CEP63: variants seen among roughly 807,000 people sequenced by gnomAD.
CEP63 encodes centrosomal protein 63.
A neutral mutation model predicts 89.1 loss-of-function variants in CEP63; 84 were observed. The observed-to-expected ratio is 0.94, with a 90% confidence interval of 0.79 to 1.13. The LOEUF (loss-of-function observed/expected upper bound fraction) is 1.13, where lower values mean the gene tolerates loss of function less well. CEP63 is among the 50% of genes most tolerant of loss of function. The pLI is 0.00. For missense variants in CEP63, 838 were observed against 813.3 expected, an observed-to-expected ratio of 1.03 and a Z score of -0.37; for synonymous variants, 267 against 272.5, an observed-to-expected ratio of 0.98 and a Z score of 0.20.
the CEP63 span, among the ~76,000 whole-genome samples, chr3:134,692,640 G>A: frequency 6.6e-6 from 1 of 152,170 alleles, no homozygotes; most frequent in Non-Finnish European, 1.5e-5. Context: ...TAACATCACA[G>A]GTCCCCTGAA....
the CEP63 span, among the ~76,000 whole-genome samples, chr3:134,689,005 G>A: frequency 2.0e-5 from 3 of 152,184 alleles, no homozygotes; most frequent in African/African-American, 7.2e-5. Flanking sequence ...ATTTCATATA[G>A]GTGTGGTTTT....
chr3:134,624,152 C>T, the CEP63 span, among the ~76,000 whole-genome samples: 2 of 152,254 alleles, frequency 1.3e-5, no homozygotes, highest in Non-Finnish European at 2.9e-5. Context: ...AGGAGTCAAT[C>T]CAGCTATCTG....
intron 5 of CEP63, chr3:134,536,272 T>C (rs933833129): frequency 6.6e-6 from 1 of 152,330 alleles, no homozygotes; most frequent in Non-Finnish European, 1.5e-5. Context: ...TTGTTTGTTT[T>C]GTTAAGTATT....
chr3:134,540,546 A>T (rs970361865), intron 6 of CEP63, among the ~76,000 whole-genome samples: 3 of 152,032 alleles, frequency 2.0e-5, no homozygotes, highest in Non-Finnish European at 4.4e-5. Flanking sequence ...GAGAATATCC[A>T]TTTCCTCATA....
At chr3:134,500,925 C>T (rs936448119) in intron 2 of CEP63, among the ~76,000 whole-genome samples, 4 of 152,118 alleles carry the variant, frequency 2.6e-5, no homozygotes, top group African/African-American at 9.7e-5. Context: ...GGCCAGTGTC[C>T]AGAAGAGTAT....
chr3:134,736,236 G>T, the CEP63 span, among the ~76,000 whole-genome samples: 2 of 152,080 alleles, frequency 1.3e-5, no homozygotes, highest in Admixed American at 1.3e-4. Flanking sequence ...CAAAACACCT[G>T]TTGGAAGCAT....
downstream of CEP63, among the ~76,000 whole-genome samples, chr3:134,579,301 C>T (rs1278355338): frequency 2.1e-5 from 3 of 145,942 alleles, no homozygotes; most frequent in African/African-American, 7.5e-5. Context: ...TGCACTTTAC[C>T]GGGAATAATG....
chr3:134,778,097 CTTT>C, the CEP63 span, among the ~76,000 whole-genome samples: 134 of 132,402 alleles, frequency 1.0e-3, no homozygotes, highest in Middle Eastern at 4.0e-3. Flanking sequence ...TTCCACGTCA[CTTT>C]TTTTTTTTTT....
chr3:134,764,122 C>G, the CEP63 span, among the ~76,000 whole-genome samples: 1 of 152,162 alleles, frequency 6.6e-6, no homozygotes, highest in Non-Finnish European at 1.5e-5. Context: ...GTTTAGCAAA[C>G]AAGTTTAGTT....
chr3:134,541,479 T>C (rs905722675), intron 6 of CEP63, among the ~76,000 whole-genome samples: 15 of 151,804 alleles, frequency 9.9e-5, no homozygotes, highest in African/African-American at 3.6e-4. Context: ...CTAAAATTCA[T>C]ATGGAATGAT....
intron 3 of CEP63, among the ~76,000 whole-genome samples, chr3:134,517,675 ATT>A (rs1946552287): frequency 6.6e-6 from 1 of 152,212 alleles, no homozygotes; most frequent in Non-Finnish European, 1.5e-5. Context: ...ATCTGCATAC[ATT>A]TGGAAATTAG....
intron 3 of CEP63, among the ~76,000 whole-genome samples, chr3:134,529,332 C>G: frequency 7.3e-6 from 1 of 137,466 alleles, no homozygotes; most frequent in Non-Finnish European, 1.5e-5. Flanking sequence ...GAACAAATCC[C>G]CATTGACTTT....
chr3:134,651,623 C>G, the CEP63 span: 1 of 987,364 alleles, frequency 1.0e-6, no homozygotes, highest in Non-Finnish European at 1.2e-6. Flanking sequence ...AGGAGCTCCC[C>G]CCAGTTACGG....
the CEP63 span, among the ~76,000 whole-genome samples, chr3:134,688,293 G>A: frequency 5.3e-5 from 8 of 152,338 alleles, no homozygotes; most frequent in East Asian, 1.3e-3. Flanking sequence ...AAGACATTAT[G>A]TATATTGTAC....
At chr3:134,581,837 G>A (rs991662714) in intron 10 of CEP63, among the ~76,000 whole-genome samples, 3 of 150,250 alleles carry the variant, frequency 2.0e-5, no homozygotes, top group Non-Finnish European at 3.0e-5. Context: ...TACCACGCCC[G>A]GCTAATTTGT....
downstream of CEP63, among the ~76,000 whole-genome samples, chr3:134,567,458 C>T (rs1477926143): frequency 2.2e-5 from 2 of 92,890 alleles, no homozygotes; most frequent in Non-Finnish European, 4.1e-5. Flanking sequence ...ATATCTTAAT[C>T]ACTGTTACCA....
intron 14 of CEP63, among the ~76,000 whole-genome samples, chr3:134,560,643 C>T (rs1441266283): frequency 6.6e-6 from 1 of 152,122 alleles, no homozygotes; most frequent in African/African-American, 2.4e-5. Context: ...ACTTCTGAAC[C>T]TCATGTCTCT....
chr3:134,518,986 A>AG (rs772587599), intron 3 of CEP63, among the ~76,000 whole-genome samples: 1 of 152,156 alleles, frequency 6.6e-6, no homozygotes, highest in Non-Finnish European at 1.5e-5. Flanking sequence ...TGAATAGTAA[A>AG]GGGGTTATAA....
chr3:134,591,770 A>G (rs1483008893), downstream of CEP63, among the ~76,000 whole-genome samples: 2 of 152,142 alleles, frequency 1.3e-5, no homozygotes, highest in African/African-American at 2.4e-5. Flanking sequence ...AGTTCCAGCT[A>G]CTTGGGAGGC....
Sources: gnomAD v4.1 joint callset for allele counts (sites outside exome capture counted in the v4.1 genomes callset) on GRCh38, gnomAD v4.1.1 for gene constraint, MANE v1.5 for transcripts, NCBI Gene and HGNC (gene_info 2026-07-23, HGNC 2026-07-21) for gene names.